NRCAM: variants seen among roughly 807,000 people sequenced by gnomAD.
NRCAM encodes NgCAM-related cell adhesion molecule.
NRCAM carries 83 observed loss-of-function variants against 156.5 expected under a neutral mutation model. The observed-to-expected ratio is 0.53, with a 90% confidence interval of 0.44 to 0.64. The LOEUF is 0.64. Ranked by LOEUF, NRCAM falls within the 30% of genes least tolerant of loss-of-function variation. The pLI, the probability that NRCAM is intolerant of heterozygous loss-of-function variation, is 0.00. For synonymous variants in NRCAM, 538 were observed against 563.9 expected (o/e 0.95, Z 0.65); for missense variants, 1,417 against 1,597.3 (o/e 0.89, Z 1.92).
At chr7:108,266,368 G>A (rs1440979838) in intron 3 of NRCAM, among the ~76,000 whole-genome samples, 1 of 152,170 alleles carries the variant, frequency 6.6e-6, no homozygotes, top group Admixed American at 6.5e-5. Flanking sequence ...TCAGAATAAT[G>A]TAGGCTTTGG....
chr7:108,348,355 G>A (rs1422580738), intron 2 of NRCAM, among the ~76,000 whole-genome samples: 1 of 152,110 alleles, frequency 6.6e-6, no homozygotes, highest in Non-Finnish European at 1.5e-5. Flanking sequence ...GACAAGTTCT[G>A]TTAGGCTGAG....
chr7:108,387,145 T>C (rs1030492808), intron 2 of NRCAM, among the ~76,000 whole-genome samples: 2 of 152,156 alleles, frequency 1.3e-5, no homozygotes, highest in Non-Finnish European at 2.9e-5. Flanking sequence ...TCAATTTTCT[T>C]ATCCTGAACA....
rs963695869 is a variant in NRCAM, at chr7:108,324,386, C to G, written c.-173-11655G>C. On this transcript the variant is annotated intron_variant, in intron 2 of 32. Coordinates refer to ENST00000379028, the MANE Select transcript of NRCAM (RefSeq NM_001037132.4). ...CCTAACAAACTTTTTTCCTTTAAAG[C>G]CTTTCCTTCCCGATTCCTCCCTGTC... 2.0e-5 allele frequency among the ~76,000 whole-genome samples: 3 copies of G among 152,154 alleles called. No individual in the cohort carries two copies. The East Asian group carries it at 5.8e-4, about 29-fold the overall frequency.
chr7:108,223,947 C>T (rs1476056166), intron 10 of NRCAM, 111 bp from the exon 11 acceptor site: 5 of 629,472 alleles, frequency 7.9e-6, no homozygotes, highest in Non-Finnish European at 1.4e-5. Context: ...AGCTATTTAA[C>T]ATTAATTGTG....
chr7:108,270,749 C>A (rs572601584), intron 3 of NRCAM, among the ~76,000 whole-genome samples: 2 of 152,184 alleles, frequency 1.3e-5, no homozygotes, highest in Non-Finnish European at 2.9e-5. Flanking sequence ...GAGGACATTA[C>A]GCCAAGTGAA....
At chr7:108,413,426 A>C (rs1284802753) in intron 1 of NRCAM, among the ~76,000 whole-genome samples, 1 of 152,190 alleles carries the variant, frequency 6.6e-6, no homozygotes, top group Non-Finnish European at 1.5e-5. Context: ...TTTGGATATT[A>C]ACCATTTATC....
intron 2 of NRCAM, among the ~76,000 whole-genome samples, chr7:108,371,291 T>C (rs897272280): frequency 6.6e-6 from 1 of 152,116 alleles, no homozygotes; most frequent in African/African-American, 2.4e-5. Flanking sequence ...AAAATTTTAT[T>C]TTCTTGGACA....
At chr7:108,409,868 AAT>A (rs1227237686) in intron 1 of NRCAM, among the ~76,000 whole-genome samples, 1 of 152,234 alleles carries the variant, frequency 6.6e-6, no homozygotes, top group Non-Finnish European at 1.5e-5. Context: ...ACTATATCAT[AAT>A]TTGCAGTTCT....
intron 2 of NRCAM, among the ~76,000 whole-genome samples, chr7:108,340,442 T>G (rs1594217550): frequency 1.3e-5 from 2 of 152,182 alleles, no homozygotes; most frequent in East Asian, 3.9e-4. Flanking sequence ...ATGTTACTGC[T>G]AAATCAGACA....
intron 11 of NRCAM, among the ~76,000 whole-genome samples, chr7:108,221,936 T>C (rs1226951942): frequency 7.7e-5 from 4 of 51,656 alleles, no homozygotes; most frequent in Non-Finnish European, 1.4e-4. Context: ...TAAATTATGG[T>C]TCAAGCAAAA....
intron 1 of NRCAM, among the ~76,000 whole-genome samples, chr7:108,418,550 A>G (rs548533922): frequency 4.2e-4 from 55 of 130,966 alleles, no homozygotes; most frequent in Middle Eastern, 3.8e-3. Context: ...TTTATCTGGT[A>G]TACATATTAT....
chr7:108,379,741 AT>A (rs1247218219), intron 2 of NRCAM, among the ~76,000 whole-genome samples: 3 of 152,192 alleles, frequency 2.0e-5, no homozygotes, highest in Admixed American at 6.5e-5. Context: ...TACTTTACAA[AT>A]TTTTTTAACT....
intron 11 of NRCAM, among the ~76,000 whole-genome samples, chr7:108,216,018 C>T (rs1157421946): frequency 1.3e-5 from 2 of 152,140 alleles, no homozygotes; most frequent in African/African-American, 4.8e-5. Flanking sequence ...ATGGTGTTTA[C>T]AATTCGTTAT....
chr7:108,444,438 G>A (rs183287488), intron 1 of NRCAM, among the ~76,000 whole-genome samples: 177 of 152,112 alleles, frequency 1.2e-3, no homozygotes, highest in South Asian at 8.9e-3. Context: ...TTAGTTTGCC[G>A]GGGCTGCTGT....
chr7:108,276,948 A>T (rs911604308), intron 3 of NRCAM, among the ~76,000 whole-genome samples: 4 of 152,138 alleles, frequency 2.6e-5, no homozygotes, highest in Non-Finnish European at 4.4e-5. Context: ...AAAATCTCTC[A>T]GCATTTGCTT....
chr7:108,221,319 G>A (rs2092188408), intron 11 of NRCAM, among the ~76,000 whole-genome samples: 1 of 152,160 alleles, frequency 6.6e-6, no homozygotes, highest in Non-Finnish European at 1.5e-5. Context: ...AAGTAGAACT[G>A]CCATTTCATC....
At chr7:108,414,012 C>G (rs560833879) in intron 1 of NRCAM, among the ~76,000 whole-genome samples, 1 of 152,340 alleles carries the variant, frequency 6.6e-6, no homozygotes, top group Admixed American at 6.5e-5. Context: ...TATAGAGACT[C>G]TGGCTTCTTG....
chr7:108,212,848 T>A (rs956143050), intron 11 of NRCAM, among the ~76,000 whole-genome samples: 2 of 152,110 alleles, frequency 1.3e-5, no homozygotes, highest in Non-Finnish European at 2.9e-5. Flanking sequence ...GAGGAAAACT[T>A]TTCTGGCCTT....
intron 9 of NRCAM, 25 bp downstream of exon 9, chr7:108,226,183 G>A: frequency 6.6e-7 from 1 of 1,521,226 alleles, no homozygotes; most frequent in Non-Finnish European, 8.9e-7. Flanking sequence ...CATTGAAGGG[G>A]AGATTTGGGA....
Sources: allele counts gnomAD v4.1 joint callset (sites outside exome capture counted in the v4.1 genomes callset), GRCh38; gene constraint gnomAD v4.1.1; transcripts MANE v1.5; gene names NCBI Gene and HGNC (gene_info 2026-07-23, HGNC 2026-07-21).